The following HDAC9 variants were observed in gnomAD, a reference collection of about 807,000 sequenced individuals.
HDAC9 encodes MEF-2 interacting transcription repressor (MITR) protein.
Under a neutral mutation model 139.4 loss-of-function variants are expected in HDAC9, and 41 were observed. That is an observed-to-expected ratio of 0.29 (90% CI 0.23 to 0.38). The LOEUF (loss-of-function observed/expected upper bound fraction) is 0.38, where lower values mean the gene tolerates loss of function less well. Ranked by LOEUF, HDAC9 falls within the 10% of genes least tolerant of loss-of-function variation. HDAC9 has a pLI of 1.00. For synonymous variants in HDAC9, 517 were observed against 476.2 expected (o/e 1.09, Z -1.12); for missense variants, 1,147 against 1,297.0 (o/e 0.88, Z 1.78).
At chr7:18,582,693 G>C (rs1349034519) in intron 2 of HDAC9, among the ~76,000 whole-genome samples, 1 of 152,084 alleles carries the variant, frequency 6.6e-6, no homozygotes. Flanking sequence ...AACAATACTA[G>C]AACTCTAGTA....
chr7:18,835,664 C>T, intron 20 of HDAC9, 78 bp downstream of exon 20: 1 of 1,570,762 alleles, frequency 6.4e-7, no homozygotes, highest in Admixed American at 1.7e-5. Context: ...CCCTAATTTT[C>T]TTGTCCTTTG....
At chr7:18,427,428 T>TA (rs1027201190) in intron 1 of HDAC9, among the ~76,000 whole-genome samples, 16 of 152,206 alleles carry the variant, frequency 1.1e-4, no homozygotes, top group African/African-American at 3.6e-4. Context: ...TTTACCTCCT[T>TA]ACTTATTTAG....
In HDAC9 at chr7:18,568,026, G is replaced by GTGTGTATATATATATATATATA. The variant is rs1384273199; in HGVS notation, c.23-17254_23-17253insGTGTATATATATATATATATAT. Reference sequence around the variant, plus strand: ...TTATACATACAGGATATATGTATATGTATATATATATATATATATATATAT... The same window carrying GTGTGTATATATATATATATATA: ...TTATACATACAGGATATATGTATATGTGTGTATATATATATATATATATATATATATATATATATATATATAT... On this transcript the variant is annotated intron_variant, in intron 2 of 25. Transcript: ENST00000686413. Among the ~76,000 whole-genome samples the GTGTGTATATATATATATATATA allele has an allele frequency of 5.5e-5, 7 of 126,820 alleles. 1 individual carries two copies. Among genetic ancestry groups the GTGTGTATATATATATATATATA allele is most frequent in the Middle Eastern group, 4.1e-3 (1 of 244 alleles). The allele number at this position is 126,820 out of a possible 152,430, so 83.2% of individuals were successfully genotyped here. A position where few individuals can be genotyped will look rare whatever the true frequency, so the allele number is the denominator to read the frequency against.
At chr7:18,385,854 A>T (rs370352448) in intron 1 of HDAC9, among the ~76,000 whole-genome samples, 22 of 152,138 alleles carry the variant, frequency 1.4e-4, no homozygotes, top group African/African-American at 5.3e-4. Context: ...CCTGCTCAGT[A>T]TGTTATAGAG....
chr7:18,635,119 GCA>G (rs1400364843), intron 8 of HDAC9, among the ~76,000 whole-genome samples: 8 of 151,706 alleles, frequency 5.3e-5, no homozygotes, highest in African/African-American at 1.7e-4. Flanking sequence ...GATCCTCCGT[GCA>G]CACTGCCTGA....
intron 11 of HDAC9, among the ~76,000 whole-genome samples, chr7:18,662,373 G>GA (rs903583484): frequency 3.9e-5 from 6 of 152,036 alleles, no homozygotes; most frequent in Non-Finnish European, 5.9e-5. Context: ...GATAACTCAA[G>GA]AAATTTTATT....
At chr7:18,360,135 T>C (rs1415778917) in intron 1 of HDAC9, among the ~76,000 whole-genome samples, 3 of 152,210 alleles carry the variant, frequency 2.0e-5, no homozygotes, top group Non-Finnish European at 4.4e-5. Flanking sequence ...TTTCTTGGAC[T>C]CAACTATAAT....
chr7:18,469,513 C>T (rs1794564846), intron 1 of HDAC9, among the ~76,000 whole-genome samples: 1 of 152,100 alleles, frequency 6.6e-6, no homozygotes, highest in South Asian at 2.1e-4. Context: ...ACACATCTAA[C>T]AGGGAGCTTA....
At chr7:18,562,817 G>T (rs1204180592) in intron 2 of HDAC9, among the ~76,000 whole-genome samples, 1 of 152,022 alleles carries the variant, frequency 6.6e-6, no homozygotes, top group Non-Finnish European at 1.5e-5. Context: ...GGATTTCATG[G>T]AATTTGTGGA....
intron 2 of HDAC9, among the ~76,000 whole-genome samples, chr7:18,570,298 A>T (rs927068779): frequency 6.6e-6 from 1 of 152,244 alleles, no homozygotes; most frequent in African/African-American, 2.4e-5. Context: ...GTTCCTTAAA[A>T]AGAGTGCTGA....
chr7:18,920,239 G>A (rs1198129528), intron 22 of HDAC9, among the ~76,000 whole-genome samples: 4 of 151,996 alleles, frequency 2.6e-5, no homozygotes, highest in East Asian at 1.9e-4. Context: ...ATTCCTAGGT[G>A]TTTTATTCTC....
At chr7:18,202,664 A>G (rs1791218348) in intron 2 of HDAC9, among the ~76,000 whole-genome samples, 1 of 152,216 alleles carries the variant, frequency 6.6e-6, no homozygotes, top group Admixed American at 6.5e-5. Flanking sequence ...TTGGAGTTGA[A>G]ATCATGATTA....
At chr7:18,230,367 A>G (rs1019254210) in intron 2 of HDAC9, among the ~76,000 whole-genome samples, 2 of 152,226 alleles carry the variant, frequency 1.3e-5, no homozygotes, top group African/African-American at 2.4e-5. Flanking sequence ...CTTGGGGCAC[A>G]TGTTACGTGC....
chr7:18,595,447 A>T (rs1832201484), intron 6 of HDAC9, among the ~76,000 whole-genome samples: 1 of 152,038 alleles, frequency 6.6e-6, no homozygotes, highest in Non-Finnish European at 1.5e-5. Context: ...GTGATCCATA[A>T]AGGACAGGAG....
intron 1 of HDAC9, among the ~76,000 whole-genome samples, chr7:18,133,938 A>G (rs895330802): frequency 4.0e-5 from 6 of 150,618 alleles, no homozygotes; most frequent in Admixed American, 2.0e-4. Flanking sequence ...GCGTGCACAC[A>G]CACACACACA....
intron 1 of HDAC9, among the ~76,000 whole-genome samples, chr7:18,328,872 G>C (rs747692440): frequency 4.6e-5 from 7 of 151,886 alleles, no homozygotes; most frequent in Non-Finnish European, 1.0e-4. Context: ...TATAGTTTGA[G>C]AAGGATTGGT....
intron 17 of HDAC9, among the ~76,000 whole-genome samples, chr7:18,827,622 T>C (rs1453637889): frequency 2.0e-5 from 3 of 152,222 alleles, no homozygotes; most frequent in Non-Finnish European, 4.4e-5. Context: ...TACTGGTTAC[T>C]GGGTGTTTTC....
At chr7:18,575,746 G>GATTTTAATC (rs1479292104) in intron 2 of HDAC9, among the ~76,000 whole-genome samples, 9 of 152,290 alleles carry the variant, frequency 5.9e-5, no homozygotes, top group Non-Finnish European at 1.3e-4. Context: ...ATTGCTTTAG[G>GATTTTAATC]ATTTTAATCG....
chr7:18,629,605 T>C, intron 7 of HDAC9, 124 bp downstream of exon 7: 1 of 972,526 alleles, frequency 1.0e-6, no homozygotes, highest in Non-Finnish European at 1.4e-6. Flanking sequence ...TGAAAGGAAA[T>C]TATATTGAAA....
Sources: gnomAD v4.1 joint callset for allele counts (sites outside exome capture counted in the v4.1 genomes callset) on GRCh38, gnomAD v4.1.1 for gene constraint, MANE v1.5 for transcripts, NCBI Gene and HGNC (gene_info 2026-07-23, HGNC 2026-07-21) for gene names.